Variants in TRIM6 observed in about 807,000 individuals in gnomAD.
TRIM6 encodes the protein tripartite motif containing 6, also known as tripartite motif-containing protein 6.
In TRIM6, 43 loss-of-function variants were observed where a neutral mutation model predicts 51.2. The ratio of observed to expected loss-of-function variants is 0.84; its 90% CI spans 0.66 to 1.08. The LOEUF (loss-of-function observed/expected upper bound fraction) is 1.08. TRIM6 is among the 50% of genes least tolerant of loss of function. The pLI is 0.00. For synonymous variants in TRIM6, 215 were observed against 232.4 expected (o/e 0.93, Z 0.68); for missense variants, 669 against 619.0 (o/e 1.08, Z -0.86).
intron 4 of TRIM6, among the ~76,000 whole-genome samples, chr11:5,605,811 T>A (rs184862039): frequency 4.7e-4 from 71 of 152,380 alleles, no homozygotes; most frequent in Admixed American, 8.5e-4. Flanking sequence ...GTTTATTTGA[T>A]GCTGTGGAGA....
In TRIM6 at chr11:5,610,788, C is replaced by G; in HGVS notation, c.997C>G (p.Leu333Val). The G allele has an allele frequency of 3.1e-6, 5 of 1,614,002 alleles. No individual in the cohort carries two copies. The highest frequency in any genetic ancestry group is 4.2e-6 in the Non-Finnish European group (5 of 1,179,964). ...DVQSYWVDVT[L>V]NPHTANLNLV... ...ACCTTTTCCTACAGTTGACGTGACCCTGAATCCACACACAGCTAATTTAAA... is the reference window on the plus strand; with the variant it reads ...ACCTTTTCCTACAGTTGACGTGACCGTGAATCCACACACAGCTAATTTAAA... The change falls in exon 8 of 8, where the codon CTG (leucine) becomes GTG (valine). Residue 333 changes from leucine to valine, a missense_variant. Leu to Val is a conservative substitution (Grantham distance 32). Transcript: ENST00000380097.
In TRIM6 at chr11:5,611,474, G is replaced by C; in HGVS notation, c.*132G>C. 1 of 844,098 alleles carries C rather than the reference G, an allele frequency of 1.2e-6. No individual in the cohort carries two copies. The highest frequency in any genetic ancestry group is 1.9e-6 in the Non-Finnish European group (1 of 539,080). The allele number at this position is 844,098 out of a possible 1,614,324, so 52.3% of individuals were successfully genotyped here. Reference sequence around the variant, plus strand: ...TTTTTGGTTTTTGAATCTTTTTTGAGATGGAATCTCGCTCTGTCGCCCAGG... The same window carrying C: ...TTTTTGGTTTTTGAATCTTTTTTGACATGGAATCTCGCTCTGTCGCCCAGG... On this transcript the variant is annotated 3_prime_UTR_variant, in exon 8 of 8. Transcript: ENST00000380097.
chr11:5,596,365 G>C (rs1233036788), upstream of TRIM6, among the ~76,000 whole-genome samples: 2 of 152,162 alleles, frequency 1.3e-5, no homozygotes, highest in Middle Eastern at 3.2e-3. Context: ...TTGCAGCTGG[G>C]AATAGGCCGT....
Position 5,603,714 on chromosome 11 carries a change from G to T in TRIM6, c.486G>T (p.Glu162Asp), listed in dbSNP as rs936626522. Residue 162 changes from glutamate (E) to aspartate (D), a missense_variant, in exon 2 of 8, where the codon GAG becomes GAT. Physicochemically the swap from Glu to Asp is conservative, Grantham distance 45. Coordinates refer to ENST00000380097, the MANE Select transcript of TRIM6 (RefSeq NM_001003818.3). ...GTGGTCACCACACGTTCCTCGTGGAGGAGGTTGCCCAGGAGTACCAGGTGA... is the reference window on the plus strand; with the variant it reads ...GTGGTCACCACACGTTCCTCGTGGATGAGGTTGCCCAGGAGTACCAGGTGA... ...EHRGHHTFLVEEVAQEYQEKF... is the reference protein window; with the variant it reads ...EHRGHHTFLVDEVAQEYQEKF... 1.9e-6 allele frequency: 3 copies of T among 1,613,516 alleles called. No individual in the cohort carries two copies. The highest frequency in any genetic ancestry group is 2.5e-6 in the Non-Finnish European group (3 of 1,179,926).
chr11:5,597,539 T>TA (rs938309131), intron 1 of TRIM6, among the ~76,000 whole-genome samples: 31 of 151,452 alleles, frequency 2.0e-4, no homozygotes, highest in South Asian at 6.3e-4. Context: ...TACACAAAGA[T>TA]AAAAAAAAAT....
chr11:5,610,004 C>A, intron 5 of TRIM6, 141 bp from the exon 6 acceptor site: 2 of 769,598 alleles, frequency 2.6e-6, no homozygotes, highest in Admixed American at 2.7e-5. Context: ...GCTCCAGTGC[C>A]AGGGCTGTTT....
chr11:5,597,048 AC>A, intron 1 of TRIM6, 134 bp downstream of exon 1: 1 of 1,454,780 alleles, frequency 6.9e-7, no homozygotes. Context: ...ACTGCAAATG[AC>A]CCCACTGAGG....
intron 1 of TRIM6, 130 bp downstream of exon 1, chr11:5,597,044 A>G (rs947683724): frequency 1.3e-6 from 2 of 1,485,420 alleles, no homozygotes; most frequent in African/African-American, 2.9e-5. Flanking sequence ...TCTCACTGCA[A>G]ATGACCCCAC....
chr11:5,603,981 G>C (rs1848039087), intron 2 of TRIM6, among the ~76,000 whole-genome samples: 1 of 151,834 alleles, frequency 6.6e-6, no homozygotes, highest in African/African-American at 2.4e-5. Context: ...GGCAGGGTAG[G>C]TAAAGGAATT....
At chr11:5,596,188 G>A (rs1847434441), upstream of TRIM6, 1 of 152,284 alleles carries the variant, frequency 6.6e-6, no homozygotes, top group South Asian at 2.1e-4. Flanking sequence ...CCAGGTTAGT[G>A]AGCAAGTTTA....
intron 3 of TRIM6, 31 bp from the exon 4 acceptor site, chr11:5,605,306 A>G (rs1474398899): frequency 6.2e-7 from 1 of 1,613,340 alleles, no homozygotes; most frequent in Admixed American, 1.7e-5. Context: ...GTGACCGACT[A>G]GCAGCCTCTT....
rs1310511858 is a variant in TRIM6 at position 5,603,318 on chromosome 11, T to G, written c.90T>G (p.Thr30=). The change falls in exon 2 of 8, where the codon ACT becomes ACG. Residue 30 remains threonine, a synonymous_variant. Transcript: ENST00000380097. ...QAGARRVATM[T]SPVLVDIREE... ...GAGCCAGGAGAGTAGCTACAATGAC[T>G]TCACCAGTACTGGTGGACATACGAG... The G allele has an allele frequency of 6.2e-7, 1 of 1,614,088 alleles. No homozygotes were observed. The highest frequency in any genetic ancestry group is 2.2e-5 in the East Asian group (1 of 44,864).
chr11:5,599,636 C>T (rs1032633343), intron 1 of TRIM6, among the ~76,000 whole-genome samples: 16 of 152,170 alleles, frequency 1.1e-4, no homozygotes, highest in Non-Finnish European at 1.9e-4. Context: ...ATCTCCTGAC[C>T]TTGTGATCCG....
intron 1 of TRIM6, among the ~76,000 whole-genome samples, chr11:5,598,202 G>A (rs1428095530): frequency 6.6e-6 from 1 of 152,144 alleles, no homozygotes; most frequent in Admixed American, 6.6e-5. Flanking sequence ...GTTGGAAACT[G>A]GCAGCCTCCC....
At chr11:5,606,168 G>A (rs1848194672) in intron 4 of TRIM6, among the ~76,000 whole-genome samples, 1 of 152,208 alleles carries the variant, frequency 6.6e-6, no homozygotes, top group African/African-American at 2.4e-5. Flanking sequence ...AATTCTTAGA[G>A]ATGATGTATT....
chr11:5,602,299 C>T (rs1347991353), intron 1 of TRIM6, among the ~76,000 whole-genome samples: 1 of 151,936 alleles, frequency 6.6e-6, no homozygotes, highest in African/African-American at 2.4e-5. Context: ...AAAAATTAGC[C>T]GGACATAGTG....
Position 5,606,661 on chromosome 11 carries a change from C to T in TRIM6, c.834+1094C>T, listed in dbSNP as rs533152999. On this transcript the variant is annotated intron_variant, in intron 4 of 7. Coordinates refer to ENST00000380097, the MANE Select transcript of TRIM6 (RefSeq NM_001003818.3). Reference sequence around the variant, plus strand: ...TTTGTCCTCATCATTGATATTATTACCCTGATACTTTCTCCTTCACCTTTT... The same window carrying T: ...TTTGTCCTCATCATTGATATTATTATCCTGATACTTTCTCCTTCACCTTTT... Among the ~76,000 whole-genome samples the T allele has an allele frequency of 4.6e-5, 7 of 152,214 alleles. No individual in the cohort carries two copies. In the East Asian group the frequency reaches 5.8e-4, roughly 13 times the overall value.
intron 1 of TRIM6, 141 bp downstream of exon 1, chr11:5,597,055 T>C (rs1847510645): frequency 1.4e-6 from 2 of 1,390,342 alleles, no homozygotes; most frequent in Non-Finnish European, 2.0e-6. Context: ...ATGACCCCAC[T>C]GAGGTTAGAG....
chr11:5,600,149 G>A (rs1847748707), intron 1 of TRIM6, among the ~76,000 whole-genome samples: 1 of 152,254 alleles, frequency 6.6e-6, no homozygotes, highest in Non-Finnish European at 1.5e-5. Context: ...CACCCTTTAT[G>A]GAGATGAGGA....
Sources: gnomAD v4.1 joint callset for allele counts (sites outside exome capture counted in the v4.1 genomes callset) on GRCh38, gnomAD v4.1.1 for gene constraint, MANE v1.5 for transcripts, NCBI Gene and HGNC (gene_info 2026-07-23, HGNC 2026-07-21) for gene names.